IMMT: variants seen among roughly 807,000 people sequenced by gnomAD.
IMMT encodes inner membrane mitochondrial protein.
In IMMT, 40 loss-of-function variants were observed where a neutral mutation model predicts 92.7. That is an observed-to-expected ratio of 0.43 (90% CI 0.34 to 0.56). The LOEUF is 0.56. Ranked by LOEUF, IMMT falls within the 20% of genes least tolerant of loss-of-function variation. IMMT has a pLI of 0.03. For synonymous variants in IMMT, 322 were observed against 336.1 expected, an observed-to-expected ratio of 0.96 and a Z score of 0.46; for missense variants, 831 against 912.1, an observed-to-expected ratio of 0.91 and a Z score of 1.14.
intron 6 of IMMT, among the ~76,000 whole-genome samples, chr2:86,169,446 T>C (rs1003867957): frequency 1.3e-5 from 2 of 152,156 alleles, no homozygotes; most frequent in African/African-American, 2.4e-5. Context: ...ATGACACCTA[T>C]GCTATTCTAA....
intron 11 of IMMT, among the ~76,000 whole-genome samples, chr2:86,153,304 T>TACACAC (rs10572745): frequency 0.18 from 26,437 of 143,752 alleles, 2,582 homozygotes; most frequent in East Asian, 0.25. Flanking sequence ...CAATCCATAT[T>TACACAC]ACACACACAC....
At chr2:86,190,158 C>A (rs1673029226) in intron 1 of IMMT, among the ~76,000 whole-genome samples, 1 of 152,188 alleles carries the variant, frequency 6.6e-6, no homozygotes, top group Non-Finnish European at 1.5e-5. Context: ...GAAGAGGATT[C>A]TAGCATGGGT....
intron 10 of IMMT, among the ~76,000 whole-genome samples, chr2:86,157,612 C>T (rs1675937488): frequency 2.0e-5 from 3 of 151,816 alleles, no homozygotes; most frequent in Admixed American, 2.0e-4. Context: ...ATGGCGAAAC[C>T]CTGTCTCTAC....
chr2:86,144,950 T>TACG, intron 14 of IMMT, 69 bp from the exon 15 acceptor site: 1 of 1,502,734 alleles, frequency 6.7e-7, no homozygotes, highest in South Asian at 1.3e-5. Flanking sequence ...ACAGAACTGA[T>TACG]GCACATTCAA....
Position 86,143,982 on chromosome 2 carries a change from C to T in IMMT, c.*286G>A, listed in dbSNP as rs936743725. 1.4e-5 allele frequency: 7 copies of T among 483,038 alleles called. No individual in the cohort carries two copies. The highest frequency in any genetic ancestry group is 3.9e-5 in the African/African-American group (2 of 51,326). 29.9% of individuals were successfully genotyped at this position (483,038 alleles called of 1,614,324 possible). A position where few individuals can be genotyped will look rare whatever the true frequency, so the allele number is the denominator to read the frequency against. ...CAGTTTGCTCCGAGGGCAAAATCAACAGTAGTAGAGATCACAAACATTATT... is the reference window on the plus strand; with the variant it reads ...CAGTTTGCTCCGAGGGCAAAATCAATAGTAGTAGAGATCACAAACATTATT... On this transcript the variant is annotated 3_prime_UTR_variant, in exon 15 of 15. Transcript: ENST00000410111.
intron 12 of IMMT, among the ~76,000 whole-genome samples, chr2:86,149,907 AAG>A (rs961257058): frequency 6.6e-6 from 1 of 151,884 alleles, no homozygotes; most frequent in East Asian, 1.9e-4. Context: ...AAGAAAGAAA[AAG>A]AAAAAATAGT....
intron 1 of IMMT, among the ~76,000 whole-genome samples, chr2:86,183,314 T>G (rs1238130215): frequency 5.3e-5 from 8 of 152,140 alleles, no homozygotes; most frequent in Admixed American, 3.3e-4. Flanking sequence ...AATAATTTTT[T>G]TTGTTGTTTG....
rs1677076664 is a variant in IMMT at position 86,171,457 on chromosome 2, C to T, written c.422-112G>A. 5.1e-5 allele frequency: 48 copies of T among 942,528 alleles called. 1 individual carries two copies. In the South Asian group the frequency reaches 6.6e-4, roughly 13 times the overall value. 58.4% of individuals were successfully genotyped at this position (942,528 alleles called of 1,614,324 possible). A position where few individuals can be genotyped will look rare whatever the true frequency, so the allele number is the denominator to read the frequency against. On this transcript the variant is annotated intron_variant, in intron 4 of 14. Transcript: ENST00000410111. ...CTTCACATCTGACTCCTTAGAGACA[C>T]AAATATTTGTACTGCCACATGTTTG...
intron 7 of IMMT, among the ~76,000 whole-genome samples, chr2:86,163,771 A>G (rs1676450211): frequency 6.6e-6 from 1 of 151,838 alleles, no homozygotes; most frequent in Non-Finnish European, 1.5e-5. Context: ...TCAGGAGTTC[A>G]AGACCAGCAT....
intron 1 of IMMT, among the ~76,000 whole-genome samples, chr2:86,190,772 G>C (rs1374291118): frequency 1.3e-5 from 2 of 152,074 alleles, no homozygotes; most frequent in African/African-American, 4.8e-5. Flanking sequence ...GGCAGATCAC[G>C]ACGTCAGGAG....
intron 6 of IMMT, among the ~76,000 whole-genome samples, chr2:86,169,291 AAG>A (rs1381315971): frequency 6.6e-6 from 1 of 152,224 alleles, no homozygotes; most frequent in East Asian, 1.9e-4. Flanking sequence ...TAAAAGAAAA[AAG>A]AAGTAGGAAA....
intron 13 of IMMT, 135 bp downstream of exon 13, chr2:86,147,567 T>TA (rs1305181242): frequency 1.3e-6 from 1 of 742,032 alleles, no homozygotes; most frequent in Non-Finnish European, 2.1e-6. Flanking sequence ...CACCATTATG[T>TA]AAAAAGAAGC....
chr2:86,158,567 A>C, intron 10 of IMMT, 25 bp downstream of exon 10: 1 of 1,560,754 alleles, frequency 6.4e-7, no homozygotes, highest in Non-Finnish European at 8.7e-7. Context: ...CATCAAAAAA[A>C]AAACATTACT....
At chr2:86,160,433 C>G (rs1389362182) in intron 8 of IMMT, among the ~76,000 whole-genome samples, 2 of 152,156 alleles carry the variant, frequency 1.3e-5, no homozygotes, top group Admixed American at 6.5e-5. Flanking sequence ...TTAACTGGGT[C>G]TCAGGGAGCC....
intron 7 of IMMT, among the ~76,000 whole-genome samples, chr2:86,163,083 C>T (rs923606022): frequency 6.6e-6 from 1 of 152,058 alleles, no homozygotes; most frequent in South Asian, 2.1e-4. Flanking sequence ...GCCTGTAATC[C>T]CAGCACTGTA....
At chr2:86,179,764 A>G (rs1677700629) in intron 2 of IMMT, 142 bp from the exon 3 acceptor site, 13 of 579,226 alleles carry the variant, frequency 2.2e-5, no homozygotes, top group Non-Finnish European at 3.5e-5. Context: ...GTTTACCACC[A>G]TGTCTGCACA....
intron 13 of IMMT, 72 bp downstream of exon 13, chr2:86,147,630 A>T: frequency 4.1e-6 from 6 of 1,469,646 alleles, no homozygotes; most frequent in Non-Finnish European, 5.5e-6. Context: ...CTCAGAGTAC[A>T]TTAAAAGGAA....
At chr2:86,188,413 GCACA>G (rs1288241168) in intron 1 of IMMT, among the ~76,000 whole-genome samples, 7 of 151,448 alleles carry the variant, frequency 4.6e-5, no homozygotes, top group Non-Finnish European at 1.0e-4. Context: ...ACACACACAC[GCACA>G]CAAATACATA....
At chr2:86,166,981 C>T (rs1676720631) in intron 6 of IMMT, among the ~76,000 whole-genome samples, 1 of 151,120 alleles carries the variant, frequency 6.6e-6, no homozygotes. Flanking sequence ...GCCTGTAGTT[C>T]CAGCTACCTG....
Sources: allele counts gnomAD v4.1 joint callset (sites outside exome capture counted in the v4.1 genomes callset), GRCh38; gene constraint gnomAD v4.1.1; transcripts MANE v1.5; gene names NCBI Gene and HGNC (gene_info 2026-07-23, HGNC 2026-07-21).